The following MYSM1 variants were observed in gnomAD, a reference collection of about 807,000 sequenced individuals.
The protein encoded by MYSM1 is Myb like, SWIRM and MPN domains 1.
A neutral mutation model predicts 116.0 loss-of-function variants in MYSM1; 51 were observed. The observed-to-expected ratio is 0.44, with a 90% CI of 0.35 to 0.56. The LOEUF is 0.56. Ranked by LOEUF, MYSM1 falls within the 20% of genes least tolerant of loss-of-function variation. MYSM1 has a pLI of 0.00. For missense variants in MYSM1, 900 were observed against 974.9 expected (o/e 0.92, Z 1.02); for synonymous variants, 313 against 315.2 (o/e 0.99, Z 0.07).
At chr1:58,682,808 G>A (rs1430949630) in intron 7 of MYSM1, among the ~76,000 whole-genome samples, 1 of 151,166 alleles carries the variant, frequency 6.6e-6, no homozygotes, top group Non-Finnish European at 1.5e-5. Context: ...CCATTCTCCT[G>A]CCTCAGCCTC....
intron 7 of MYSM1, among the ~76,000 whole-genome samples, chr1:58,684,159 A>C (rs1644790794): frequency 6.6e-6 from 1 of 152,184 alleles, no homozygotes; most frequent in Admixed American, 6.5e-5. Flanking sequence ...ACCGAAACAA[A>C]TCTTACCTAC....
intron 2 of MYSM1, 63 bp downstream of exon 2, chr1:58,695,063 AAAG>A: frequency 1.2e-6 from 1 of 852,332 alleles, no homozygotes. Context: ...AAAAAAAAAA[AAAG>A]AAGAAGCACT....
At position 58,665,616 on chromosome 1, in the gene MYSM1, C is replaced by T. The variant is rs1644455909; in HGVS notation, c.2047G>A (p.Gly683Arg). The change falls in exon 17 of 20, where the codon GGA becomes AGA. Residue 683 changes from glycine to arginine, a missense_variant. Coordinates refer to ENST00000472487, the MANE Select transcript of MYSM1 (RefSeq NM_001085487.3). Reference sequence around the variant, plus strand: ...ATCATCCCAATGAACTTTGCACCTCCTCTGGAGAAGTAACTCTACAATGAC... The same window carrying T: ...ATCATCCCAATGAACTTTGCACCTCTTCTGGAGAAGTAACTCTACAATGAC... Reference protein sequence around the residue: ...QAKYQSYFSRGGAKFIGMIVS... With the variant: ...QAKYQSYFSRRGAKFIGMIVS... The T allele has an allele frequency of 2.6e-6, 4 of 1,556,984 alleles. No individual in the cohort carries two copies. Among genetic ancestry groups the T allele is most frequent in the Non-Finnish European group, 3.5e-6 (4 of 1,135,076 alleles).
At chr1:58,676,856 A>G (rs1278348957) in intron 9 of MYSM1, 70 bp downstream of exon 9, 1 of 1,510,796 alleles carries the variant, frequency 6.6e-7, no homozygotes, top group African/African-American at 1.4e-5. Context: ...TCTAACCATC[A>G]TAGAAATGAA....
chr1:58,659,744 G>T lies in MYSM1; in HGVS notation c.*253C>A. On this transcript the variant is annotated 3_prime_UTR_variant, in exon 20 of 20. Transcript: ENST00000472487. ...GCCGACCAGGTTGCTTAGTTTCACAGCCTACAGCATTGCTCAGTAAAGGAC... is the reference window on the plus strand; with the variant it reads ...GCCGACCAGGTTGCTTAGTTTCACATCCTACAGCATTGCTCAGTAAAGGAC... 1 of 266,778 alleles carries T rather than the reference G, an allele frequency of 3.7e-6. No homozygotes were observed. Among genetic ancestry groups the T allele is most frequent in the Non-Finnish European group, 7.0e-6 (1 of 143,156 alleles). 16.5% of individuals were successfully genotyped at this position (266,778 alleles called of 1,614,324 possible). A position where few individuals can be genotyped will look rare whatever the true frequency, so the allele number is the denominator to read the frequency against.
At chr1:58,697,302 T>C (rs1321618009) in intron 1 of MYSM1, among the ~76,000 whole-genome samples, 1 of 152,146 alleles carries the variant, frequency 6.6e-6, no homozygotes. Flanking sequence ...TTGTGAGACA[T>C]CCAGGTACAG....
intron 1 of MYSM1, among the ~76,000 whole-genome samples, chr1:58,697,474 C>T (rs1029529840): frequency 2.0e-5 from 3 of 151,938 alleles, no homozygotes; most frequent in Non-Finnish European, 4.4e-5. Context: ...TTAAGAGGGA[C>T]AGTGTGGTCA....
chr1:58,690,259 A>G lies in MYSM1; in HGVS notation c.297-10T>C, dbSNP rs761641005. ...TGCTGTTTTCTGCAGACTGCATCAC[A>G]TGAAAAAAGAAAATAAGGAAGCGTG... On this transcript the variant is annotated splice_polypyrimidine_tract_variant and intron_variant, in intron 4 of 19. Transcript: ENST00000472487. 2.3e-5 allele frequency: 36 copies of G among 1,574,744 alleles called. No individual in the cohort carries two copies. The East Asian group carries it at 7.0e-4, about 31-fold the overall frequency.
chr1:58,692,252 G>A (rs1292293776), intron 3 of MYSM1, among the ~76,000 whole-genome samples: 2 of 152,186 alleles, frequency 1.3e-5, no homozygotes, highest in East Asian at 1.9e-4. Flanking sequence ...ATAAAATGAA[G>A]ATGAAGGAGA....
intron 12 of MYSM1, among the ~76,000 whole-genome samples, chr1:58,671,577 T>C (rs757658772): frequency 7.9e-5 from 12 of 152,174 alleles, no homozygotes; most frequent in Non-Finnish European, 7.4e-5. Context: ...AACCCAGTCA[T>C]TTCATGAAGG....
intron 1 of MYSM1, 43 bp downstream of exon 1, chr1:58,699,942 A>G: frequency 1.9e-6 from 3 of 1,606,806 alleles, no homozygotes; most frequent in Non-Finnish European, 1.7e-6. Context: ...CCTTCAATCC[A>G]CTCCCCTCTC....
chr1:58,682,694 CTT>C, intron 7 of MYSM1, 149 bp from the exon 8 acceptor site: 1 of 279,538 alleles, frequency 3.6e-6, no homozygotes, highest in East Asian at 8.2e-5. Context: ...TCTTTTTTTT[CTT>C]TTCTTTTTTT....
intron 10 of MYSM1, among the ~76,000 whole-genome samples, chr1:58,674,524 G>A (rs1005033667): frequency 2.0e-5 from 3 of 152,110 alleles, no homozygotes; most frequent in African/African-American, 7.2e-5. Context: ...AATACTCTGA[G>A]AAAAACAGCT....
intron 8 of MYSM1, among the ~76,000 whole-genome samples, chr1:58,680,755 C>CTGTA (rs1644728588): frequency 6.6e-6 from 1 of 152,158 alleles, no homozygotes; most frequent in Non-Finnish European, 1.5e-5. Flanking sequence ...AGGAAGCTCT[C>CTGTA]TGTAAAGATG....
intron 17 of MYSM1, 41 bp from the exon 18 acceptor site, chr1:58,661,552 T>C: frequency 9.0e-7 from 1 of 1,116,906 alleles, no homozygotes; most frequent in Non-Finnish European, 1.3e-6. Flanking sequence ...CAACTATTTC[T>C]TAACTCTCCA....
intron 8 of MYSM1, among the ~76,000 whole-genome samples, chr1:58,681,277 C>T (rs1220154504): frequency 6.6e-6 from 1 of 152,194 alleles, no homozygotes; most frequent in African/African-American, 2.4e-5. Context: ...GAATAAGCTT[C>T]ATCTATCAGA....
In MYSM1 at chr1:58,675,476, C is replaced by T; in HGVS notation, c.1494+1G>A. On this transcript the variant is annotated splice_donor_variant, in intron 10 of 19. Coordinates refer to ENST00000472487, the MANE Select transcript of MYSM1 (RefSeq NM_001085487.3). LOFTEE classifies it high-confidence loss of function. ...GATCACTGAGAGAGATGACTGCTTA[C>T]CATAGACTGCAGACGCTGGGCAAGT... 6.2e-7 allele frequency: 1 copy of T among 1,605,818 alleles called. No individual in the cohort carries two copies. Among genetic ancestry groups the T allele is most frequent in the Non-Finnish European group, 8.5e-7 (1 of 1,174,350 alleles).
rs1163697160 is a variant in MYSM1, at chr1:58,665,579, T to C, written c.2084A>G (p.Tyr695Cys). ...ATATGGTAAGGGATTATTTCGATTA[T>C]AGGGACTAACAATCATCCCAATGAA... ...AKFIGMIVSP[Y>C]NRNNPLPYSQ... The change falls in exon 17 of 20, where the codon TAT (tyrosine) becomes TGT (cysteine). Residue 695 changes from tyrosine (Y) to cysteine (C), a missense_variant. Tyr to Cys is a radical substitution (Grantham distance 194). Coordinates refer to ENST00000472487, the MANE Select transcript of MYSM1 (RefSeq NM_001085487.3). 6.3e-7 allele frequency: 1 copy of C among 1,591,320 alleles called. No individual in the cohort carries two copies. Among genetic ancestry groups the C allele is most frequent in the Non-Finnish European group, 8.6e-7 (1 of 1,159,636 alleles).
In MYSM1 at chr1:58,685,387, C is replaced by T. The variant is rs1017321882; in HGVS notation, c.400-136G>A. On this transcript the variant is annotated intron_variant, in intron 6 of 19. Transcript: ENST00000472487. ...TTTCTGAAGCACACAATAAAGTCTT[C>T]TATATAGACTATGCTCTTAAAATCA... is the stretch of plus-strand genomic sequence containing the variant. The T allele has an allele frequency of 9.3e-5, 49 of 526,630 alleles. No individual in the cohort carries two copies. In the East Asian group the frequency reaches 9.9e-4, roughly 11 times the overall value. 32.6% of individuals were successfully genotyped at this position (526,630 alleles called of 1,614,324 possible). A position where few individuals can be genotyped will look rare whatever the true frequency, so the allele number is the denominator to read the frequency against.
Sources: gnomAD v4.1 joint callset for allele counts (sites outside exome capture counted in the v4.1 genomes callset) on GRCh38, gnomAD v4.1.1 for gene constraint, MANE v1.5 for transcripts, NCBI Gene and HGNC (gene_info 2026-07-23, HGNC 2026-07-21) for gene names.